ARHGAP8: variants seen among roughly 807,000 people sequenced by gnomAD.
ARHGAP8 encodes rho GTPase-activating protein 8.
A neutral mutation model predicts 46.1 loss-of-function variants in ARHGAP8; 62 were observed. The ratio of observed to expected loss-of-function variants is 1.34; its 90% CI spans 1.10 to 1.66. ARHGAP8 has a LOEUF of 1.66. ARHGAP8 is among the 40% of genes most tolerant of loss of function. The probability of loss-of-function intolerance (pLI) is 0.00; values close to 1 mark genes in which losing one functional copy is unlikely to be tolerated. For synonymous variants in ARHGAP8, 375 were observed against 243.1 expected, an observed-to-expected ratio of 1.54 and a Z score of -5.05; for missense variants, 923 against 568.4, an observed-to-expected ratio of 1.62 and a Z score of -6.34.
At chr22:44,859,241 G>C (rs1244763777) in intron 10 of ARHGAP8, among the ~76,000 whole-genome samples, 1 of 152,204 alleles carries the variant, frequency 6.6e-6, no homozygotes, top group African/African-American at 2.4e-5. Context: ...AAACTTTGGA[G>C]GTGGGGACTG....
At chr22:44,775,084 G>A (rs1926326596) in intron 1 of ARHGAP8, among the ~76,000 whole-genome samples, 2 of 152,124 alleles carry the variant, frequency 1.3e-5, no homozygotes, top group African/African-American at 4.8e-5. Context: ...CACCTGCCTC[G>A]GCTTCCCAAA....
chr22:44,760,594 A>G (rs1198983946), intron 1 of ARHGAP8, among the ~76,000 whole-genome samples: 2 of 152,202 alleles, frequency 1.3e-5, no homozygotes, highest in Non-Finnish European at 2.9e-5. Flanking sequence ...CGGACTTGCC[A>G]CTCAAATTAA....
At chr22:44,803,131 G>A (rs1337644783) in intron 3 of ARHGAP8, among the ~76,000 whole-genome samples, 2 of 152,150 alleles carry the variant, frequency 1.3e-5, no homozygotes, top group African/African-American at 4.8e-5. Flanking sequence ...GTTTGGGGTG[G>A]GAGAACTAAG....
At chr22:44,859,448 G>A (rs913147350) in intron 10 of ARHGAP8, among the ~76,000 whole-genome samples, 2 of 152,180 alleles carry the variant, frequency 1.3e-5, no homozygotes, top group Non-Finnish European at 2.9e-5. Flanking sequence ...GGCTTCTCCA[G>A]AAGCTGAACA....
At chr22:44,790,546 CATAT>C (rs1431702019) in intron 2 of ARHGAP8, among the ~76,000 whole-genome samples, 12 of 151,548 alleles carry the variant, frequency 7.9e-5, no homozygotes, top group African/African-American at 2.4e-4. Flanking sequence ...TGTGGTGGCA[CATAT>C]CTGTAATCCC....
intron 1 of ARHGAP8, among the ~76,000 whole-genome samples, chr22:44,756,724 C>T (rs550512459): frequency 6.6e-6 from 1 of 151,758 alleles, no homozygotes; most frequent in South Asian, 2.1e-4. Context: ...AAGTTGAATC[C>T]CTTTTCTAAA....
chr22:44,821,170 G>A (rs1257266180), intron 5 of ARHGAP8, among the ~76,000 whole-genome samples: 6 of 152,138 alleles, frequency 3.9e-5, no homozygotes, highest in Non-Finnish European at 5.9e-5. Context: ...GGTGGCTCAT[G>A]CCTGTAATCC....
intron 7 of ARHGAP8, among the ~76,000 whole-genome samples, chr22:44,826,941 G>A (rs1182063521): frequency 1.3e-5 from 2 of 152,174 alleles, no homozygotes; most frequent in African/African-American, 4.8e-5. Flanking sequence ...GGCCAGGGAG[G>A]GAGGCAGAAT....
At chr22:44,781,840 T>C (rs1327049425) in intron 1 of ARHGAP8, among the ~76,000 whole-genome samples, 1 of 152,140 alleles carries the variant, frequency 6.6e-6, no homozygotes, top group Non-Finnish European at 1.5e-5. Context: ...TATTTATTTT[T>C]ATTTTATTTT....
intron 2 of ARHGAP8, among the ~76,000 whole-genome samples, chr22:44,800,114 T>C (rs1928387747): frequency 9.9e-6 from 1 of 100,810 alleles, no homozygotes; most frequent in Admixed American, 9.0e-5. Context: ...TTTTTTTTTT[T>C]TTTTTTTGAG....
At chr22:44,766,694 CCTTT>C (rs1033516474) in intron 1 of ARHGAP8, among the ~76,000 whole-genome samples, 1 of 152,144 alleles carries the variant, frequency 6.6e-6, no homozygotes, top group Non-Finnish European at 1.5e-5. Context: ...TCTTTGCTGC[CCTTT>C]CTTCCTTCCT....
Position 44,822,435 on chromosome 22 carries a change from T to C in ARHGAP8, c.451T>C (p.Tyr151His). 4 of 1,567,344 alleles carry C rather than the reference T, an allele frequency of 2.6e-6. No homozygotes were observed. The highest frequency in any genetic ancestry group is 3.4e-6 in the Non-Finnish European group (4 of 1,164,668). Reference sequence around the variant, plus strand: ...GAGTGAGCTCCACGAACACCTTAAATACGACCAGCTGGTCATCCCTCCCGA... The same window carrying C: ...GAGTGAGCTCCACGAACACCTTAAACACGACCAGCTGGTCATCCCTCCCGA... ...YLSELHEHLK[Y>H]DQLVIPPEVL... The change falls in exon 6 of 12, where the codon TAC (tyrosine) becomes CAC (histidine). Residue 151 changes from tyrosine (Y) to histidine (H), a missense_variant. By Grantham distance (83) the Tyr-to-His change is moderately conservative. Transcript: ENST00000356099.
At chr22:44,845,082 G>A (rs967381078) in intron 7 of ARHGAP8, among the ~76,000 whole-genome samples, 187 bp from the exon 8 acceptor site, 3 of 152,048 alleles carry the variant, frequency 2.0e-5, no homozygotes, top group African/African-American at 7.3e-5. Flanking sequence ...CTCAAATACT[G>A]CACTATCATT....
At chr22:44,807,040 G>T (rs1041692563) in intron 3 of ARHGAP8, among the ~76,000 whole-genome samples, 2 of 152,114 alleles carry the variant, frequency 1.3e-5, no homozygotes, top group African/African-American at 4.8e-5. Flanking sequence ...TGCGGGACCA[G>T]CCGAGCCTCT....
chr22:44,827,198 C>T (rs1040792099), intron 7 of ARHGAP8, among the ~76,000 whole-genome samples: 1 of 151,990 alleles, frequency 6.6e-6, no homozygotes, highest in Non-Finnish European at 1.5e-5. Context: ...GAAGCCAAGG[C>T]ACTCAGGCAC....
intron 7 of ARHGAP8, among the ~76,000 whole-genome samples, chr22:44,840,322 T>C (rs1931567343): frequency 6.6e-6 from 1 of 152,180 alleles, no homozygotes. Context: ...CTGGAGGTTC[T>C]GGGGGGTATC....
intron 10 of ARHGAP8, among the ~76,000 whole-genome samples, chr22:44,859,443 C>T (rs1469910907): frequency 6.6e-6 from 1 of 152,192 alleles, no homozygotes; most frequent in Non-Finnish European, 1.5e-5. Flanking sequence ...CCTGAGGCTT[C>T]TCCAGAAGCT....
At chr22:44,855,584 G>A (rs1033127421) in intron 10 of ARHGAP8, among the ~76,000 whole-genome samples, 9 of 152,196 alleles carry the variant, frequency 5.9e-5, no homozygotes, top group African/African-American at 9.7e-5. Flanking sequence ...TCTTTGGCCA[G>A]TTTGTTTCCA....
At chr22:44,809,929 G>A (rs1929217791) in intron 4 of ARHGAP8, 1 of 152,220 alleles carries the variant, frequency 6.6e-6, no homozygotes, top group African/African-American at 2.4e-5. Flanking sequence ...GACCTTCGGA[G>A]GGACTTCTTG....
Sources: gnomAD v4.1 joint callset for allele counts (sites outside exome capture counted in the v4.1 genomes callset) on GRCh38, gnomAD v4.1.1 for gene constraint, MANE v1.5 for transcripts, NCBI Gene and HGNC (gene_info 2026-07-23, HGNC 2026-07-21) for gene names.